RABGEF1: variants seen among roughly 807,000 people sequenced by gnomAD.
RABGEF1 encodes rab5 GDP/GTP exchange factor.
Under a neutral mutation model 57.3 loss-of-function variants are expected in RABGEF1, and 26 were observed. The observed-to-expected ratio is 0.45, with a 90% CI of 0.33 to 0.63. The LOEUF (loss-of-function observed/expected upper bound fraction) is 0.63, where lower values mean the gene tolerates loss of function less well. Ranked by LOEUF, RABGEF1 falls within the 20% of genes least tolerant of loss-of-function variation. RABGEF1 has a pLI of 0.02. For synonymous variants in RABGEF1, 185 were observed against 210.7 expected (o/e 0.88, Z 1.06); for missense variants, 464 against 607.6 (o/e 0.76, Z 2.48).
intron 5 of RABGEF1, among the ~76,000 whole-genome samples, chr7:66,796,252 C>T (rs1785890560): frequency 6.6e-6 from 1 of 151,296 alleles, no homozygotes; most frequent in Admixed American, 6.6e-5. Context: ...AAAAAAAGAG[C>T]TTCAAGTTTT....
upstream of RABGEF1, among the ~76,000 whole-genome samples, chr7:66,678,890 C>T (rs76310147): frequency 7.7e-3 from 1,167 of 152,278 alleles, 18 homozygotes; most frequent in African/African-American, 0.026. Flanking sequence ...ATGGTAACCA[C>T]GTTTTCATTC....
chr7:66,683,257 C>T (rs1310799987), intron 1 of RABGEF1, among the ~76,000 whole-genome samples: 1 of 152,122 alleles, frequency 6.6e-6, no homozygotes, highest in African/African-American at 2.4e-5. Flanking sequence ...GGATTAGAGA[C>T]GTGAGCCATT....
At chr7:66,699,061 C>T (rs558774822) in intron 1 of RABGEF1, among the ~76,000 whole-genome samples, 22 of 152,258 alleles carry the variant, frequency 1.4e-4, no homozygotes, top group African/African-American at 4.3e-4. Flanking sequence ...CATGGAGGAG[C>T]GGGGAGATAT....
intron 2 of RABGEF1, among the ~76,000 whole-genome samples, chr7:66,725,422 T>C (rs1015053772): frequency 2.0e-5 from 3 of 152,202 alleles, no homozygotes; most frequent in Non-Finnish European, 2.9e-5. Context: ...CTTTATAGAT[T>C]TGTCTATTCA....
chr7:66,762,315 G>T (rs1804621690), intron 1 of RABGEF1, among the ~76,000 whole-genome samples: 1 of 152,186 alleles, frequency 6.6e-6, no homozygotes, highest in Non-Finnish European at 1.5e-5. Context: ...TGGAGGCTGG[G>T]TGCAGTGGCT....
At chr7:66,753,495 T>C (rs958101649) in intron 1 of RABGEF1, among the ~76,000 whole-genome samples, 1 of 152,158 alleles carries the variant, frequency 6.6e-6, no homozygotes, top group African/African-American at 2.4e-5. Context: ...TGCACCACTG[T>C]AATAAAGTGA....
chr7:66,657,242 G>A, the RABGEF1 span, among the ~76,000 whole-genome samples: 3 of 152,264 alleles, frequency 2.0e-5, no homozygotes, highest in African/African-American at 7.2e-5. Flanking sequence ...AGTGTATTAG[G>A]CTGCAAAACA....
rs368151466 is a variant in RABGEF1 at position 66,785,743 on chromosome 7, A to G, written c.513+1902A>G. On this transcript the variant is annotated intron_variant, in intron 4 of 8. Coordinates refer to ENST00000284957, the MANE Select transcript of RABGEF1 (RefSeq NM_014504.3). ...CAAAAAATTAGCTGGGCGTGGTGGC[A>G]GGCGCCTGTAGTCCCAGCTACTTGG... Among the ~76,000 whole-genome samples the G allele has an allele frequency of 1.4e-4, 22 of 152,144 alleles. No homozygotes were observed. In the East Asian group the frequency reaches 3.9e-3, roughly 27 times the overall value.
At chr7:66,775,098 C>G in intron 2 of RABGEF1, 129 bp from the exon 3 acceptor site, 2 of 971,868 alleles carry the variant, frequency 2.1e-6, no homozygotes, top group Non-Finnish European at 3.0e-6. Context: ...AGACCTCAGA[C>G]TGATTTGGCA....
chr7:66,691,375 AT>A (rs140148550), intron 1 of RABGEF1, among the ~76,000 whole-genome samples: 14,617 of 152,256 alleles, frequency 0.096, 800 homozygotes, highest in Non-Finnish European at 0.11. Context: ...CACAGCCCAG[AT>A]GTCTGTACCC....
intron 3 of RABGEF1, among the ~76,000 whole-genome samples, chr7:66,775,864 A>G (rs1808402495): frequency 1.3e-5 from 2 of 152,182 alleles, no homozygotes; most frequent in East Asian, 1.9e-4. Flanking sequence ...TTGAGAACAT[A>G]TAGGAAAAGG....
At chr7:66,775,817 CTTAT>C (rs1808392222) in intron 3 of RABGEF1, among the ~76,000 whole-genome samples, 1 of 151,968 alleles carries the variant, frequency 6.6e-6, no homozygotes, top group Admixed American at 6.6e-5. Context: ...TGCCTGAGAG[CTTAT>C]TTGAGAGACA....
chr7:66,707,143 AT>A (rs1304779419), intron 1 of RABGEF1, among the ~76,000 whole-genome samples: 1 of 152,206 alleles, frequency 6.6e-6, no homozygotes, highest in African/African-American at 2.4e-5. Context: ...AGTTTTCCAA[AT>A]ATCTTTGTTA....
chr7:66,734,916 C>T (rs1458712310), intron 2 of RABGEF1, among the ~76,000 whole-genome samples: 1 of 152,180 alleles, frequency 6.6e-6, no homozygotes. Context: ...CTGCTCACCA[C>T]ATGGCCAAAC....
At chr7:66,777,434 G>A (rs1355565927) in intron 3 of RABGEF1, among the ~76,000 whole-genome samples, 1 of 151,328 alleles carries the variant, frequency 6.6e-6, no homozygotes, top group Non-Finnish European at 1.5e-5. Flanking sequence ...CAGAAGCCCA[G>A]GTTATTTAAT....
chr7:66,805,945 G>C lies in RABGEF1; in HGVS notation c.1077+549G>C, dbSNP rs538087443. ...TTTTTTTGAGAGATGGGGTCTCGCT[G>C]TGTTGCCCAGGCTGGTCTCATACTC... is the stretch of plus-strand genomic sequence containing the variant. On this transcript the variant is annotated intron_variant, in intron 8 of 8. Coordinates refer to ENST00000284957, the MANE Select transcript of RABGEF1 (RefSeq NM_014504.3). Among the ~76,000 whole-genome samples, 14 of 150,236 alleles carry C rather than the reference G, an allele frequency of 9.3e-5. No homozygotes were observed. The East Asian group carries it at 2.3e-3, about 25-fold the overall frequency.
chr7:66,689,114 A>G (rs1170331251), intron 1 of RABGEF1, among the ~76,000 whole-genome samples: 1 of 152,096 alleles, frequency 6.6e-6, no homozygotes, highest in Non-Finnish European at 1.5e-5. Context: ...AAAAATAAAA[A>G]TTAAAAGAAA....
chr7:66,758,945 G>A (rs2129078101), intron 1 of RABGEF1, among the ~76,000 whole-genome samples: 1 of 152,292 alleles, frequency 6.6e-6, no homozygotes, highest in South Asian at 2.1e-4. Context: ...TGTAAATACA[G>A]TACAGACAGG....
intron 2 of RABGEF1, among the ~76,000 whole-genome samples, chr7:66,722,934 A>G (rs12539522): frequency 0.037 from 5,579 of 152,004 alleles, 162 homozygotes; most frequent in East Asian, 0.086. Context: ...ATGTCTTTCC[A>G]TTTATTTAGG....
Sources: gnomAD v4.1 joint callset for allele counts (sites outside exome capture counted in the v4.1 genomes callset) on GRCh38, gnomAD v4.1.1 for gene constraint, MANE v1.5 for transcripts, NCBI Gene and HGNC (gene_info 2026-07-23, HGNC 2026-07-21) for gene names.